Variants in NIBAN2 observed in about 807,000 individuals in gnomAD.
The protein encoded by NIBAN2 is protein Niban 2.
A neutral mutation model predicts 81.8 loss-of-function variants in NIBAN2; 36 were observed. That is an observed-to-expected ratio of 0.44 (90% CI 0.34 to 0.58). The LOEUF (loss-of-function observed/expected upper bound fraction) is 0.58, where lower values mean the gene tolerates loss of function less well. Among genes scored for constraint, NIBAN2 ranks in the 20% least tolerant of loss-of-function variants. The pLI is 0.02. For synonymous variants in NIBAN2, 445 were observed against 441.6 expected (o/e 1.01, Z -0.10); for missense variants, 897 against 1,014.1 (o/e 0.88, Z 1.57).
rs556528061 is a variant in NIBAN2, at chr9:127,518,489, C to T, written c.590-548G>A. Among the ~76,000 whole-genome samples, 8 of 152,354 alleles carry T rather than the reference C, an allele frequency of 5.3e-5. No homozygotes were observed. The East Asian group carries it at 9.6e-4, about 18-fold the overall frequency. On this transcript the variant is annotated intron_variant, in intron 5 of 13. Coordinates refer to ENST00000373312, the MANE Select transcript of NIBAN2 (RefSeq NM_022833.4). ...GCCCGGCAGGCCATAAAACCCCTCC[C>T]GCAATGCTCGCCTCTACAGTCACAG...
chr9:127,565,596 C>T (rs1450224257), intron 1 of NIBAN2, among the ~76,000 whole-genome samples: 4 of 151,122 alleles, frequency 2.6e-5, no homozygotes, highest in African/African-American at 9.7e-5. Context: ...AGTTCGAGAC[C>T]AGCCTGACCA....
At position 127,523,667 on chromosome 9, in the gene NIBAN2, C is replaced by G; in HGVS notation, c.589+12G>C. 6.2e-7 allele frequency: 1 copy of G among 1,603,546 alleles called. No individual in the cohort carries two copies. Among genetic ancestry groups the G allele is most frequent in the South Asian group, 1.1e-5 (1 of 90,900 alleles). ...CTCCCTCCCACCGACCCTGCACCCA[C>G]AGGCCACTCACCATTGTTGCAGTGC... On this transcript the variant is annotated intron_variant, in intron 5 of 13. Transcript: ENST00000373312.
chr9:127,525,284 AGGCAAG>A, intron 3 of NIBAN2, 121 bp from the exon 4 acceptor site: 7 of 672,304 alleles, frequency 1.0e-5, no homozygotes, highest in Admixed American at 2.5e-5. Context: ...AAGGAAGAAG[AGGCAAG>A]AGAGGAACAG....
In NIBAN2 at chr9:127,545,203, T is replaced by A. The variant is rs903623346; in HGVS notation, c.56-13425A>T. ...CTTGTGCCTGGCCAACTCCTCTTTC[T>A]CCTCCCCAGGCTCAAGTGCCACCTC... On this transcript the variant is annotated intron_variant, in intron 1 of 13. Transcript: ENST00000373312. The surrounding 1 kb of genome is among the most constrained non-coding windows in gnomAD (Gnocchi z 4.7). Among the ~76,000 whole-genome samples, 1 of 151,872 alleles carries A rather than the reference T, an allele frequency of 6.6e-6. No homozygotes were observed. The highest frequency in any genetic ancestry group is 1.5e-5 in the Non-Finnish European group (1 of 67,992).
chr9:127,527,306 C>A lies in NIBAN2; in HGVS notation c.203G>T (p.Arg68Leu). ...GAAGAGGTTCCCCGAGAAGACGATGCGCTCGTCCAGTGGCACCTGTGGGCA... is the reference window on the plus strand; with the variant it reads ...GAAGAGGTTCCCCGAGAAGACGATGAGCTCGTCCAGTGGCACCTGTGGGCA... ...LLWRKVPLDE[R>L]IVFSGNLFQH... Residue 68 changes from arginine to leucine, a missense_variant, in exon 3 of 14, where the codon CGC (arginine) becomes CTC (leucine). Transcript: ENST00000373312. The A allele has an allele frequency of 6.2e-7, 1 of 1,613,254 alleles. No homozygotes were observed.
At position 127,517,708 on chromosome 9, in the gene NIBAN2, C is replaced by G; in HGVS notation, c.705+118G>C. 1 of 713,176 alleles carries G rather than the reference C, an allele frequency of 1.4e-6. No individual in the cohort carries two copies. The allele number at this position is 713,176 out of a possible 1,614,324, so 44.2% of individuals were successfully genotyped here. A position where few individuals can be genotyped will look rare whatever the true frequency, so the allele number is the denominator to read the frequency against. Reference sequence around the variant, plus strand: ...TGCACTTGTCCAAATCTAAGCATGTCATCTCCTTCCAAACCGGCAGCGCCC... The same window carrying G: ...TGCACTTGTCCAAATCTAAGCATGTGATCTCCTTCCAAACCGGCAGCGCCC... On this transcript the variant is annotated intron_variant, in intron 6 of 13. Coordinates refer to ENST00000373312, the MANE Select transcript of NIBAN2 (RefSeq NM_022833.4). The surrounding 1 kb of genome is among the most constrained non-coding windows in gnomAD (Gnocchi z 4.0).
chr9:127,547,777 C>G (rs1317319462), intron 1 of NIBAN2, among the ~76,000 whole-genome samples: 2 of 152,110 alleles, frequency 1.3e-5, no homozygotes, highest in Non-Finnish European at 2.9e-5. Flanking sequence ...GTGGAGGTTG[C>G]AGTGAGCAGA....
intron 1 of NIBAN2, 87 bp from the exon 2 acceptor site, chr9:127,531,865 G>A (rs1837190635): frequency 1.3e-6 from 2 of 1,552,792 alleles, no homozygotes; most frequent in Admixed American, 3.6e-5. Flanking sequence ...TGGCTGCAAA[G>A]CCCCAAATTC....
intron 4 of NIBAN2, among the ~76,000 whole-genome samples, chr9:127,524,633 C>T (rs1019336106): frequency 2.6e-5 from 4 of 152,220 alleles, no homozygotes; most frequent in African/African-American, 9.6e-5. Flanking sequence ...GGCCCTCCAT[C>T]ACCACAGAAT....
At chr9:127,531,519 G>A in intron 2 of NIBAN2, 129 bp downstream of exon 2, 1 of 740,460 alleles carries the variant, frequency 1.4e-6, no homozygotes, top group East Asian at 2.7e-5. Context: ...AAAAAAAGAA[G>A]CTGGGGAGAC....
In NIBAN2 at chr9:127,507,968, C is replaced by G; in HGVS notation, c.1553G>C (p.Arg518Pro). ...LAPTCKSELP[R>P]FQELIFEDFA... Reference sequence around the variant, plus strand: ...GTCCTCGAAGATCAGCTCCTGGAACCGGGGCAGCTCCTGCCCGGGTGGGGC... The same window carrying G: ...GTCCTCGAAGATCAGCTCCTGGAACGGGGGCAGCTCCTGCCCGGGTGGGGC... The change falls in exon 13 of 14, where the codon CGG becomes CCG. Residue 518 changes from arginine (R) to proline (P), a missense_variant. Physicochemically the swap from Arg to Pro is moderately radical, Grantham distance 103 (BLOSUM62 -2). Coordinates refer to ENST00000373312, the MANE Select transcript of NIBAN2 (RefSeq NM_022833.4). The surrounding 1 kb of genome is among the most constrained non-coding windows in gnomAD (Gnocchi z 6.8). 4 of 1,614,160 alleles carry G rather than the reference C, an allele frequency of 2.5e-6. No homozygotes were observed. Among genetic ancestry groups the G allele is most frequent in the Non-Finnish European group, 3.4e-6 (4 of 1,180,030 alleles).
chr9:127,527,057 T>TA, intron 3 of NIBAN2, 137 bp downstream of exon 3: 1 of 1,029,030 alleles, frequency 9.7e-7, no homozygotes, highest in African/African-American at 1.6e-5. Flanking sequence ...GGGGAGGGGC[T>TA]GAGGTGGTGC....
intron 1 of NIBAN2, among the ~76,000 whole-genome samples, chr9:127,540,466 C>T (rs944275527): frequency 1.3e-5 from 2 of 152,244 alleles, no homozygotes; most frequent in Non-Finnish European, 2.9e-5. Flanking sequence ...TGTCATGACG[C>T]TCCCCAAAGC....
chr9:127,519,808 C>T (rs1395881762), intron 5 of NIBAN2, among the ~76,000 whole-genome samples: 1 of 152,192 alleles, frequency 6.6e-6, no homozygotes, highest in Non-Finnish European at 1.5e-5. Context: ...CCACCTGGGC[C>T]AGGGAAGGAG....
At chr9:127,548,708 T>C (rs556556493) in intron 1 of NIBAN2, among the ~76,000 whole-genome samples, 2 of 152,312 alleles carry the variant, frequency 1.3e-5, no homozygotes, top group South Asian at 4.1e-4. Context: ...ACTTGCTTGG[T>C]ATGTGATGAA....
Position 127,508,953 on chromosome 9 carries a change from G to C in NIBAN2, c.1317+23C>G. On this transcript the variant is annotated intron_variant, in intron 10 of 13. Coordinates refer to ENST00000373312, the MANE Select transcript of NIBAN2 (RefSeq NM_022833.4). This position sits in a 1 kb window ranked among gnomAD's most constrained non-coding sequence, Gnocchi z 6.4. ...GAAGGCAGTGGACAGGGTGTGGGGT[G>C]GGGGTCGTAGCCTCGGGTCTACCTC... The C allele has an allele frequency of 3.1e-6, 5 of 1,612,896 alleles. No homozygotes were observed. The highest frequency in any genetic ancestry group is 4.2e-6 in the Non-Finnish European group (5 of 1,179,752).
intron 8 of NIBAN2, among the ~76,000 whole-genome samples, chr9:127,515,286 C>T (rs7870767): frequency 0.71 from 107,495 of 151,724 alleles, 38,651 homozygotes; most frequent in Middle Eastern, 0.78. Context: ...TTTGGGATGC[C>T]GAGGTGGGCG....
At chr9:127,568,794 C>A in intron 1 of NIBAN2, 26 bp downstream of exon 1, 1 of 1,292,800 alleles carries the variant, frequency 7.7e-7, no homozygotes, top group Non-Finnish European at 9.8e-7. Flanking sequence ...GGCCCCTGGG[C>A]GCGCGTGGCG....
Position 127,517,842 on chromosome 9 carries a change from C to A in NIBAN2, c.689G>T (p.Cys230Phe). ...KELYGTWEML[C>F]GNEVQILSNL... ...TGGCCTCACCTGCACCTCGTTCCCA[C>A]ACAGCATCTCCCAGGTGCCGTACAG... The change falls in exon 6 of 14, where the codon TGT becomes TTT. Residue 230 changes from cysteine (C) to phenylalanine (F), a missense_variant. Physicochemically the swap from Cys to Phe is radical, Grantham distance 205. Transcript: ENST00000373312. This position sits in a 1 kb window ranked among gnomAD's most constrained non-coding sequence, Gnocchi z 4.0. 25 of 1,613,684 alleles carry A rather than the reference C, an allele frequency of 1.5e-5. No individual in the cohort carries two copies. Among genetic ancestry groups the A allele is most frequent in the Non-Finnish European group, 2.0e-5 (24 of 1,179,798 alleles).
Sources: gnomAD v4.1 joint callset for allele counts (sites outside exome capture counted in the v4.1 genomes callset) on GRCh38, gnomAD v4.1.1 for gene constraint, Gnocchi (gnomAD v3.1) non-coding constraint, MANE v1.5 for transcripts, NCBI Gene and HGNC (gene_info 2026-07-23, HGNC 2026-07-21) for gene names.